Variants in COL4A5 observed in about 807,000 individuals in gnomAD.
COL4A5 encodes collagen alpha-5(IV) chain.
A neutral mutation model predicts 130.2 loss-of-function variants in COL4A5; 26 were observed. The observed-to-expected ratio is 0.20, with a 90% CI of 0.15 to 0.28. COL4A5 has a LOEUF of 0.28. Among genes scored for constraint, COL4A5 ranks in the 10% least tolerant of loss-of-function variants. The pLI is 1.00. For missense variants in COL4A5, 1,131 were observed against 1,344.3 expected, an observed-to-expected ratio of 0.84 and a Z score of 2.48; for synonymous variants, 496 against 439.6, an observed-to-expected ratio of 1.13 and a Z score of -1.60.
chrX:108,539,803 A>C lies in COL4A5; in HGVS notation c.139A>C (p.Lys47Gln). Reference protein sequence around the residue: ...KCDCSGIKGEKGERGFPGLEG... With the variant: ...KCDCSGIKGEQGERGFPGLEG... ...TGACTGCAGTGGCATAAAAGGGGAA[A>C]AGGTGAGGTCTTAGATTGGCATTTG... Residue 47 changes from lysine (K) to glutamine (Q), a missense_variant and splice_region_variant, in exon 2 of 53, where the codon AAG (lysine) becomes CAG (glutamine). Lys to Gln is a moderately conservative substitution (Grantham distance 53). Coordinates refer to ENST00000328300, the MANE Select transcript of COL4A5 (RefSeq NM_033380.3). The C allele has an allele frequency of 8.3e-7, 1 of 1,199,937 alleles. No homozygotes were observed. Among genetic ancestry groups the C allele is most frequent in the Non-Finnish European group, 1.1e-6 (1 of 884,858 alleles).
At chrX:108,545,962 A>T (rs985536325) in intron 2 of COL4A5, among the ~76,000 whole-genome samples, 32 of 111,121 alleles carry the variant, frequency 2.9e-4, no homozygotes, top group African/African-American at 1.0e-3. Flanking sequence ...ATTTGCTTGG[A>T]AGATCTTCCT....
Position 108,635,627 on chromosome X carries a change from G to T in COL4A5, c.3246+9278G>T, listed in dbSNP as rs964486582. On this transcript the variant is annotated intron_variant, in intron 36 of 52. Transcript: ENST00000328300. ...AGAATAGTCAAAGAAATCTTGAGAA[G>T]AACAGATTTGGAGGACTCACTCTTC... Among the ~76,000 whole-genome samples, 3 of 111,745 alleles carry T rather than the reference G, an allele frequency of 2.7e-5. No individual in the cohort carries two copies. In the Admixed American group the frequency reaches 2.9e-4, roughly 11 times the overall value.
chrX:108,514,193 A>G (rs899585693), intron 1 of COL4A5, among the ~76,000 whole-genome samples: 2 of 112,167 alleles, frequency 1.8e-5, no homozygotes, highest in African/African-American at 3.2e-5. Context: ...TATGCAGAAG[A>G]TCTAATAAAG....
intron 25 of COL4A5, among the ~76,000 whole-genome samples, chrX:108,599,751 GGTT>G (rs1373378443): frequency 8.9e-6 from 1 of 111,926 alleles, no homozygotes; most frequent in African/African-American, 3.2e-5. Context: ...TTTTGTCTGT[GGTT>G]GTTTTTGCAC....
intron 1 of COL4A5, among the ~76,000 whole-genome samples, chrX:108,531,370 T>TAAATAAATAA (rs1556380259): frequency 2.1e-5 from 2 of 96,106 alleles, no homozygotes; most frequent in Non-Finnish European, 4.1e-5. Flanking sequence ...AATAATGAAA[T>TAAATAAATAA]AAATAAATAA....
chrX:108,688,899 C>T (rs960060242), intron 49 of COL4A5, among the ~76,000 whole-genome samples: 3 of 111,269 alleles, frequency 2.7e-5, no homozygotes, highest in Non-Finnish European at 5.7e-5. Context: ...GCAGAGACCC[C>T]GGAGGTCAGC....
rs374602385 is a variant in COL4A5 at position 108,508,465 on chromosome X, A to G, written c.82-31281A>G. Among the ~76,000 whole-genome samples the G allele has an allele frequency of 8.3e-5, 9 of 107,983 alleles. No individual in the cohort carries two copies. In the East Asian group the frequency reaches 2.3e-3, roughly 28 times the overall value. The allele number at this position is 107,983 out of a possible 115,157, so 93.8% of individuals were successfully genotyped here. A position where few individuals can be genotyped will look rare whatever the true frequency, so the allele number is the denominator to read the frequency against. ...ATCATTAAAACGGCCACACTGCCCA[A>G]TGCAATTTACAGATTCAGTGCTATT... On this transcript the variant is annotated intron_variant, in intron 1 of 52. Coordinates refer to ENST00000328300, the MANE Select transcript of COL4A5 (RefSeq NM_033380.3).
rs886074464 is a variant in COL4A5 at position 108,594,251 on chromosome X, G to A, written c.1424-1258G>A. 2.7e-5 allele frequency among the ~76,000 whole-genome samples: 3 copies of A among 111,131 alleles called. No homozygotes were observed. In the Admixed American group the frequency reaches 2.9e-4, roughly 11 times the overall value. On this transcript the variant is annotated intron_variant, in intron 21 of 52. Coordinates refer to ENST00000328300, the MANE Select transcript of COL4A5 (RefSeq NM_033380.3). ...TTTGTATTTCATATATGATCCATGA[G>A]AACATCTCATTGGCTCTACTTTCAG... is the stretch of plus-strand genomic sequence containing the variant.
intron 1 of COL4A5, among the ~76,000 whole-genome samples, chrX:108,514,649 TTAGA>T (rs1192859322): frequency 8.9e-6 from 1 of 112,284 alleles, no homozygotes; most frequent in Non-Finnish European, 1.9e-5. Flanking sequence ...CTGGTATCTT[TTAGA>T]TAGACTAGTA....
chrX:108,612,089 C>A (rs931430308), intron 29 of COL4A5, among the ~76,000 whole-genome samples: 4 of 111,158 alleles, frequency 3.6e-5, no homozygotes, highest in Non-Finnish European at 7.6e-5. Flanking sequence ...TGATAAGTTT[C>A]AATATTCATT....
At chrX:108,584,110 G>T (rs73526295) in intron 17 of COL4A5, among the ~76,000 whole-genome samples, 9,492 of 101,995 alleles carry the variant, frequency 0.093, 1,112 homozygotes, top group African/African-American at 0.31. Flanking sequence ...TTTTTTCACT[G>T]ATTCTAGTGC....
chrX:108,581,057 A>C (rs2066239296), intron 16 of COL4A5, 30 bp downstream of exon 16: 1 of 1,161,970 alleles, frequency 8.6e-7, no homozygotes, highest in Non-Finnish European at 1.2e-6. Flanking sequence ...TCCCCCTGCA[A>C]AACTGGAGAC....
At position 108,440,199 on chromosome X, in the gene COL4A5, A is replaced by G. The variant is rs2064373731; in HGVS notation, c.74A>G (p.Glu25Gly). The G allele has an allele frequency of 8.4e-7, 1 of 1,196,003 alleles. No individual in the cohort carries two copies. Among genetic ancestry groups the G allele is most frequent in the East Asian group, 3.0e-5 (1 of 33,621 alleles). ...LALSLWGQPA[E>G]AAACYGCSPG... is the part of the protein sequence containing the mutation. ...CTGAGTCTTTGGGGGCAGCCTGCAG[A>G]GGCTGCGGTAAGTCCTTCCTCCCCT... The change falls in exon 1 of 53, where the codon GAG (glutamate) becomes GGG (glycine). Residue 25 changes from glutamate (E) to glycine (G), a missense_variant. Transcript: ENST00000328300.
chrX:108,543,914 G>T (rs1320713343), intron 2 of COL4A5, among the ~76,000 whole-genome samples: 2 of 111,588 alleles, frequency 1.8e-5, no homozygotes, highest in Non-Finnish European at 3.8e-5. Context: ...CTGTTTGTCT[G>T]TTACTGGTGT....
At position 108,620,203 on chromosome X, in the gene COL4A5, G is replaced by T. The variant is rs2067010847; in HGVS notation, c.2510-56G>T. The T allele has an allele frequency of 1.5e-5, 15 of 1,028,617 alleles. No individual in the cohort carries two copies. In the Middle Eastern group the frequency reaches 2.5e-3, roughly 171 times the overall value. 84.8% of individuals were successfully genotyped at this position (1,028,617 alleles called of 1,213,427 possible). On this transcript the variant is annotated intron_variant, in intron 30 of 52. Coordinates refer to ENST00000328300, the MANE Select transcript of COL4A5 (RefSeq NM_033380.3). ...CACTTGTTTACTAGAAATATAACCA[G>T]ATACATCTTTTAAAACTGCTTCAGT...
At chrX:108,538,807 G>A (rs1350927735) in intron 1 of COL4A5, among the ~76,000 whole-genome samples, 1 of 111,828 alleles carries the variant, frequency 8.9e-6, no homozygotes, top group Non-Finnish European at 1.9e-5. Context: ...TTTTCTAAGA[G>A]TAAAGGATAG....
intron 1 of COL4A5, among the ~76,000 whole-genome samples, chrX:108,499,712 A>C (rs2065062931): frequency 8.9e-6 from 1 of 111,764 alleles, no homozygotes; most frequent in South Asian, 3.7e-4. Context: ...TCAGTTACAT[A>C]ATACTCATTT....
In COL4A5 at chrX:108,695,336, C is replaced by T. The variant is rs865842167; in HGVS notation, c.4891C>T (p.Arg1631Cys). 1.1e-5 allele frequency: 13 copies of T among 1,209,358 alleles called. No homozygotes were observed. The highest frequency in any genetic ancestry group is 2.2e-5 in the Admixed American group (1 of 45,619). Residue 1631 changes from arginine to cysteine, a missense_variant, in exon 52 of 53, where the codon CGT becomes TGT. Physicochemically the swap from Arg to Cys is radical, Grantham distance 180. Coordinates refer to ENST00000328300, the MANE Select transcript of COL4A5 (RefSeq NM_033380.3). ...CCCTGGTTCCTGCTTGGAAGAGTTT[C>T]GTTCAGCTCCCTTCATCGAATGTCA... ...ASPGSCLEEF[R>C]SAPFIECHGR...
intron 30 of COL4A5, among the ~76,000 whole-genome samples, 191 bp downstream of exon 30, chrX:108,615,215 C>A (rs1167130217): frequency 8.9e-6 from 1 of 111,904 alleles, no homozygotes; most frequent in Non-Finnish European, 1.9e-5. Flanking sequence ...CTGATATTTC[C>A]CTTCTGAGTT....
Sources: allele counts gnomAD v4.1 joint callset (sites outside exome capture counted in the v4.1 genomes callset), GRCh38; gene constraint gnomAD v4.1.1; transcripts MANE v1.5; gene names NCBI Gene and HGNC (gene_info 2026-07-23, HGNC 2026-07-21).